Variants in MS4A13 observed in about 807,000 individuals in gnomAD.
The protein encoded by MS4A13 is membrane spanning 4-domains A13, also known as membrane-spanning 4-domains subfamily A member 13.
In MS4A13, 21 loss-of-function variants were observed where a neutral mutation model predicts 18.4. The ratio of observed to expected loss-of-function variants is 1.14; its 90% CI spans 0.81 to 1.64. MS4A13 has a LOEUF of 1.64. MS4A13 is among the 40% of genes most tolerant of loss of function. The pLI is 0.00. For synonymous variants in MS4A13, 62 were observed against 57.2 expected (o/e 1.08, Z -0.38); for missense variants, 173 against 176.8 (o/e 0.98, Z 0.12).
intron 5 of MS4A13, among the ~76,000 whole-genome samples, chr11:60,526,060 A>C (rs1042537421): frequency 6.6e-6 from 1 of 152,140 alleles, no homozygotes; most frequent in Admixed American, 6.6e-5. Flanking sequence ...TTACAGGTGA[A>C]GGATAAACTT....
intron 6 of MS4A13, among the ~76,000 whole-genome samples, chr11:60,540,111 C>T (rs190912264): frequency 1.3e-5 from 2 of 152,312 alleles, no homozygotes; most frequent in African/African-American, 4.8e-5. Flanking sequence ...GCATTAATTG[C>T]ATTGGGCTCA....
Position 60,542,638 on chromosome 11 carries a change from C to T in MS4A13, c.*63C>T. The T allele has an allele frequency of 2.0e-6, 2 of 994,280 alleles. No homozygotes were observed. Among genetic ancestry groups the T allele is most frequent in the Non-Finnish European group, 3.0e-6 (2 of 665,918 alleles). The allele number at this position is 994,280 out of a possible 1,614,324, so 61.6% of individuals were successfully genotyped here. On this transcript the variant is annotated 3_prime_UTR_variant, in exon 7 of 7. Coordinates refer to ENST00000378186, the MANE Select transcript of MS4A13 (RefSeq NM_001012417.3). ...CCTGGTGTGGGTCCTAATGATATCT[C>T]TGTATAACAAAGCAGTTACGAAGCC...
chr11:60,527,708 C>T (rs977371572), intron 5 of MS4A13, among the ~76,000 whole-genome samples: 1 of 151,936 alleles, frequency 6.6e-6, no homozygotes, highest in Non-Finnish European at 1.5e-5. Context: ...TGGCGGTGGG[C>T]ACCTGTAATC....
chr11:60,524,165 T>C (rs1590872987), intron 4 of MS4A13, among the ~76,000 whole-genome samples: 3 of 152,368 alleles, frequency 2.0e-5, no homozygotes, highest in Admixed American at 2.0e-4. Context: ...TATAGGTTTC[T>C]AAATGTATAT....
At chr11:60,524,213 T>G (rs573297979) in intron 4 of MS4A13, among the ~76,000 whole-genome samples, 2 of 152,210 alleles carry the variant, frequency 1.3e-5, no homozygotes, top group Non-Finnish European at 2.9e-5. Context: ...CCTTTTAACA[T>G]TGTGTAAACT....
In MS4A13 at chr11:60,542,674, G is replaced by T; in HGVS notation, c.*99G>T. On this transcript the variant is annotated 3_prime_UTR_variant, in exon 7 of 7. Coordinates refer to ENST00000378186, the MANE Select transcript of MS4A13 (RefSeq NM_001012417.3). ...AGCAGTTACGAAGCCTACAGATTTT[G>T]TGCAAAATAAAATACAAACAAGGTG... 1 of 667,460 alleles carries T rather than the reference G, an allele frequency of 1.5e-6. No individual in the cohort carries two copies. The highest frequency in any genetic ancestry group is 2.9e-5 in the South Asian group (1 of 34,302). The allele number at this position is 667,460 out of a possible 1,614,324, so 41.3% of individuals were successfully genotyped here.
At chr11:60,540,759 C>A (rs2086850561) in intron 6 of MS4A13, among the ~76,000 whole-genome samples, 1 of 151,986 alleles carries the variant, frequency 6.6e-6, no homozygotes, top group African/African-American at 2.4e-5. Context: ...CCAGCCTGGG[C>A]AACATGACGA....
chr11:60,542,307 G>A (rs1449386872), intron 6 of MS4A13, among the ~76,000 whole-genome samples: 1 of 151,110 alleles, frequency 6.6e-6, no homozygotes, highest in East Asian at 1.9e-4. Context: ...AGAAAGGGAG[G>A]AAGGGAGGAA....
At chr11:60,517,420 G>C (rs940918625) in intron 2 of MS4A13, among the ~76,000 whole-genome samples, 16 of 152,168 alleles carry the variant, frequency 1.1e-4, no homozygotes, top group African/African-American at 3.6e-4. Context: ...AAATAAATTT[G>C]CTGGGATTAT....
At chr11:60,532,226 A>T (rs2086773892) in intron 6 of MS4A13, among the ~76,000 whole-genome samples, 1 of 152,334 alleles carries the variant, frequency 6.6e-6, no homozygotes, top group Non-Finnish European at 1.5e-5. Flanking sequence ...AGCGACGCAG[A>T]AGACGGGTGA....
chr11:60,538,356 TG>T (rs1565216190), intron 6 of MS4A13, among the ~76,000 whole-genome samples: 1 of 151,626 alleles, frequency 6.6e-6, no homozygotes. Context: ...TTACGTAGAC[TG>T]GGGACTATAA....
chr11:60,542,510 T>C lies in MS4A13; in HGVS notation c.403-9T>C. 1 of 1,602,304 alleles carries C rather than the reference T, an allele frequency of 6.2e-7. No individual in the cohort carries two copies. Among genetic ancestry groups the C allele is most frequent in the Non-Finnish European group, 8.5e-7 (1 of 1,171,728 alleles). On this transcript the variant is annotated splice_polypyrimidine_tract_variant and intron_variant, in intron 6 of 6. Coordinates refer to ENST00000378186, the MANE Select transcript of MS4A13 (RefSeq NM_001012417.3). ...TGATATGATTTGTAAGAGGTTACTT[T>C]TTTTCCAGTTTCGAAGACAAAATGA...
chr11:60,540,127 G>A (rs1170450359), intron 6 of MS4A13, among the ~76,000 whole-genome samples: 1 of 152,200 alleles, frequency 6.6e-6, no homozygotes, highest in Admixed American at 6.5e-5. Context: ...GCTCACCCAG[G>A]TAATCCAGGA....
chr11:60,542,628 A>C lies in MS4A13; in HGVS notation c.*53A>C. ...GTTGCTGATGCCTGGTGTGGGTCCTAATGATATCTCTGTATAACAAAGCAG... is the reference window on the plus strand; with the variant it reads ...GTTGCTGATGCCTGGTGTGGGTCCTCATGATATCTCTGTATAACAAAGCAG... On this transcript the variant is annotated 3_prime_UTR_variant, in exon 7 of 7. Coordinates refer to ENST00000378186, the MANE Select transcript of MS4A13 (RefSeq NM_001012417.3). 8.7e-7 allele frequency: 1 copy of C among 1,151,338 alleles called. No individual in the cohort carries two copies. The highest frequency in any genetic ancestry group is 1.3e-6 in the Non-Finnish European group (1 of 777,432). The allele number at this position is 1,151,338 out of a possible 1,614,324, so 71.3% of individuals were successfully genotyped here.
chr11:60,530,428 A>G (rs1422279075), intron 6 of MS4A13, among the ~76,000 whole-genome samples: 1 of 152,246 alleles, frequency 6.6e-6, no homozygotes, highest in Non-Finnish European at 1.5e-5. Flanking sequence ...AGAAACAACT[A>G]TAAGACTACA....
At chr11:60,523,793 A>C (rs72928767) in intron 3 of MS4A13, 104 bp from the exon 4 acceptor site, 10,393 of 703,438 alleles carry the variant, frequency 0.015, 115 homozygotes, top group Non-Finnish European at 0.02. Context: ...TTTTGTTACT[A>C]TTAGCATTCT....
intron 5 of MS4A13, among the ~76,000 whole-genome samples, chr11:60,527,636 G>A (rs2086728940): frequency 6.6e-6 from 1 of 151,996 alleles, no homozygotes; most frequent in Non-Finnish European, 1.5e-5. Flanking sequence ...AGATGTTCGA[G>A]ACCAGCCTGG....
rs763749734 is a variant in MS4A13, at chr11:60,527,361, CGTCTCTCTCTCTCTCT to C, written c.307-2003_307-1988del. Among the ~76,000 whole-genome samples the C allele has an allele frequency of 9.7e-3, 747 of 76,640 alleles. 10 individuals are homozygous for C. The highest frequency in any genetic ancestry group is 0.032 in the Middle Eastern group (4 of 124). 50.3% of individuals were successfully genotyped at this position (76,640 alleles called of 152,430 possible). On this transcript the variant is annotated intron_variant, in intron 5 of 6. Transcript: ENST00000378186. ...TCATCTGCCAGGAACTCATTCATTC[CGTCTCTCTCTCTCTCT>C]CTCTCTCTCTCTCTCTCTCTCTCTC...
intron 6 of MS4A13, among the ~76,000 whole-genome samples, chr11:60,536,944 A>G (rs1242993965): frequency 8.3e-6 from 1 of 120,142 alleles, no homozygotes; most frequent in Non-Finnish European, 1.7e-5. Context: ...CCTATTTAAT[A>G]AATGGTGCTG....
Sources: allele counts gnomAD v4.1 joint callset (sites outside exome capture counted in the v4.1 genomes callset), GRCh38; gene constraint gnomAD v4.1.1; transcripts MANE v1.5; gene names NCBI Gene and HGNC (gene_info 2026-07-23, HGNC 2026-07-21).